MEGF6: variants seen among roughly 807,000 people sequenced by gnomAD.
MEGF6 encodes multiple epidermal growth factor-like domains protein 6.
In MEGF6, 184 loss-of-function variants were observed where a neutral mutation model predicts 207.1. The ratio of observed to expected loss-of-function variants is 0.89; its 90% CI spans 0.79 to 1.00. The LOEUF (loss-of-function observed/expected upper bound fraction) is 1.00, where lower values mean the gene tolerates loss of function less well. MEGF6 is among the 50% of genes least tolerant of loss of function. MEGF6 has a pLI of 0.00. For synonymous variants in MEGF6, 1,038 were observed against 910.0 expected (o/e 1.14, Z -2.53); for missense variants, 2,282 against 2,202.9 (o/e 1.04, Z -0.72).
chr1:3,495,484 G>A (rs1458805701), intron 30 of MEGF6, among the ~76,000 whole-genome samples: 1 of 152,212 alleles, frequency 6.6e-6, no homozygotes, highest in Non-Finnish European at 1.5e-5. Flanking sequence ...TTCCACTTTG[G>A]TCCCTGAGCC....
At chr1:3,531,446 C>G (rs1642168251) in intron 4 of MEGF6, 1 of 1,108,976 alleles carries the variant, frequency 9.0e-7, no homozygotes, top group Admixed American at 5.0e-5. Context: ...CCTTTAAGTT[C>G]TCAGCTTTCC....
At chr1:3,493,927 C>T in intron 33 of MEGF6, 28 bp from the exon 34 acceptor site, 1 of 1,582,456 alleles carries the variant, frequency 6.3e-7, no homozygotes, top group Non-Finnish European at 8.6e-7. Context: ...CTCAGTGTCC[C>T]CCTCCTGTCC....
intron 3 of MEGF6, among the ~76,000 whole-genome samples, chr1:3,591,511 C>G (rs1643977245): frequency 6.6e-6 from 1 of 152,202 alleles, no homozygotes; most frequent in Non-Finnish European, 1.5e-5. Flanking sequence ...TATACAGGCA[C>G]CAAGCAAAGG....
chr1:3,498,594 C>T (rs2100896530), intron 25 of MEGF6, 95 bp from the exon 26 acceptor site: 3 of 1,479,900 alleles, frequency 2.0e-6, no homozygotes, highest in South Asian at 1.3e-5. Flanking sequence ...CTGAAGCCTA[C>T]ACCCCAGGGC....
chr1:3,595,479 C>A, intron 2 of MEGF6, 32 bp from the exon 3 acceptor site: 1 of 1,568,026 alleles, frequency 6.4e-7, no homozygotes, highest in Non-Finnish European at 8.8e-7. Context: ...AAGTGCTTAC[C>A]GTCGCGGGAC....
chr1:3,591,320 G>A (rs1311006826), intron 3 of MEGF6, among the ~76,000 whole-genome samples: 6 of 152,156 alleles, frequency 3.9e-5, no homozygotes, highest in South Asian at 2.1e-4. Context: ...CCCTGGGCTC[G>A]GTCCCCAGAG....
intron 4 of MEGF6, among the ~76,000 whole-genome samples, chr1:3,545,302 C>A (rs1051944196): frequency 2.0e-5 from 3 of 152,190 alleles, no homozygotes; most frequent in African/African-American, 4.8e-5. Context: ...TGGTCTTCAC[C>A]CTGACACCTC....
chr1:3,587,582 C>G (rs1315527357), intron 3 of MEGF6, among the ~76,000 whole-genome samples: 1 of 152,224 alleles, frequency 6.6e-6, no homozygotes, highest in Non-Finnish European at 1.5e-5. Context: ...ACAGAGTGAA[C>G]CGGAAGCACG....
chr1:3,531,817 G>A (rs931722743), intron 4 of MEGF6, among the ~76,000 whole-genome samples: 1 of 151,994 alleles, frequency 6.6e-6, no homozygotes, highest in Non-Finnish European at 1.5e-5. Flanking sequence ...GCCGCGGGGC[G>A]GGGGAGGGGG....
At chr1:3,595,206 G>A in intron 3 of MEGF6, 132 bp downstream of exon 3, 1 of 626,452 alleles carries the variant, frequency 1.6e-6, no homozygotes, top group South Asian at 2.0e-5. Flanking sequence ...GCGTTGCTGA[G>A]CGAGTGTTCC....
At chr1:3,586,901 T>A (rs1643901213) in intron 3 of MEGF6, among the ~76,000 whole-genome samples, 1 of 152,122 alleles carries the variant, frequency 6.6e-6, no homozygotes, top group East Asian at 1.9e-4. Context: ...CACCCCTGAC[T>A]ATAGGTGCCA....
chr1:3,525,794 G>A (rs779694658), intron 4 of MEGF6, among the ~76,000 whole-genome samples: 11 of 152,250 alleles, frequency 7.2e-5, no homozygotes, highest in Non-Finnish European at 1.5e-4. Context: ...CTGCAGGAAC[G>A]CAGCGGGAAA....
intron 35 of MEGF6, among the ~76,000 whole-genome samples, chr1:3,491,570 A>C (rs1241315121): frequency 1.3e-5 from 2 of 151,960 alleles, no homozygotes; most frequent in Non-Finnish European, 2.9e-5. Context: ...GCACACATAC[A>C]CAAAGTCAAG....
chr1:3,514,001 C>T (rs1178397108), intron 7 of MEGF6, among the ~76,000 whole-genome samples: 1 of 152,062 alleles, frequency 6.6e-6, no homozygotes, highest in African/African-American at 2.4e-5. Flanking sequence ...GTAATCCCAG[C>T]ACTTTGGGAG....
In MEGF6 at chr1:3,520,961, T is replaced by C. The variant is rs527551266; in HGVS notation, c.604+3163A>G. On this transcript the variant is annotated intron_variant, in intron 5 of 36. Coordinates refer to ENST00000356575, the MANE Select transcript of MEGF6 (RefSeq NM_001409.4). Reference sequence around the variant, plus strand: ...CCCCCTGAGAGCTCTGGCCCCATGCTGGGGAAGGAAGGGTGGATTTTTAGG... The same window carrying C: ...CCCCCTGAGAGCTCTGGCCCCATGCCGGGGAAGGAAGGGTGGATTTTTAGG... Among the ~76,000 whole-genome samples the C allele has an allele frequency of 1.4e-4, 21 of 152,196 alleles. No homozygotes were observed. In the East Asian group the frequency reaches 3.9e-3, roughly 28 times the overall value.
the MEGF6 span, among the ~76,000 whole-genome samples, chr1:3,623,965 C>T: frequency 6.6e-6 from 1 of 152,214 alleles, no homozygotes; most frequent in Non-Finnish European, 1.5e-5. Context: ...ATCCCCATGC[C>T]CTTCCCTGAT....
chr1:3,615,396 C>T (rs991287478), upstream of MEGF6, among the ~76,000 whole-genome samples: 31 of 152,326 alleles, frequency 2.0e-4, no homozygotes, highest in African/African-American at 7.2e-4. Context: ...CCCTCTGGTC[C>T]TCTTTCCAAG....
chr1:3,520,262 G>A (rs1641694808), intron 5 of MEGF6, among the ~76,000 whole-genome samples: 1 of 152,240 alleles, frequency 6.6e-6, no homozygotes, highest in African/African-American at 2.4e-5. Flanking sequence ...GGGGTCATGC[G>A]CGGGCATCAT....
intron 5 of MEGF6, among the ~76,000 whole-genome samples, chr1:3,518,673 C>T (rs1380812661): frequency 6.6e-6 from 1 of 152,230 alleles, no homozygotes; most frequent in African/African-American, 2.4e-5. Flanking sequence ...GTTCTGGTCC[C>T]GTTGGTTTCT....
Sources: gnomAD v4.1 joint callset for allele counts (sites outside exome capture counted in the v4.1 genomes callset) on GRCh38, gnomAD v4.1.1 for gene constraint, MANE v1.5 for transcripts, NCBI Gene and HGNC (gene_info 2026-07-23, HGNC 2026-07-21) for gene names.